The following CHST11 variants were observed in gnomAD, a reference collection of about 807,000 sequenced individuals.
CHST11 encodes the protein C4S-1.
In CHST11, 9 loss-of-function variants were observed where a neutral mutation model predicts 30.4. That is an observed-to-expected ratio of 0.30 (90% CI 0.18 to 0.52). CHST11 has a LOEUF of 0.52. Ranked by LOEUF, CHST11 falls within the 20% of genes least tolerant of loss-of-function variation. The pLI, the probability that CHST11 is intolerant of heterozygous loss-of-function variation, is 0.97. For synonymous variants in CHST11, 152 were observed against 187.8 expected (o/e 0.81, Z 1.56); for missense variants, 348 against 460.6 (o/e 0.76, Z 2.24).
At chr12:104,693,161 C>A (rs990290997) in intron 2 of CHST11, among the ~76,000 whole-genome samples, 1 of 152,172 alleles carries the variant, frequency 6.6e-6, no homozygotes, top group Non-Finnish European at 1.5e-5. Context: ...TTGGATCAGG[C>A]CCCGCCCCCC....
At chr12:104,750,652 C>T (rs1348599422) in intron 2 of CHST11, among the ~76,000 whole-genome samples, 8 of 151,470 alleles carry the variant, frequency 5.3e-5, no homozygotes. Flanking sequence ...CCATGTTGGC[C>T]AGGCTGGTCT....
intron 2 of CHST11, among the ~76,000 whole-genome samples, chr12:104,665,812 C>CTTTTTT (rs59199522): frequency 1.9e-4 from 15 of 78,850 alleles, no homozygotes; most frequent in African/African-American, 3.9e-4. Flanking sequence ...CTCTCTGTCT[C>CTTTTTT]TTTTTTTTTT....
chr12:104,643,584 T>C (rs2039398253), intron 2 of CHST11, among the ~76,000 whole-genome samples: 1 of 152,112 alleles, frequency 6.6e-6, no homozygotes, highest in African/African-American at 2.4e-5. Context: ...CTCCAGCACA[T>C]TTAGGGGATT....
At chr12:104,499,007 T>G (rs1186646641) in intron 1 of CHST11, among the ~76,000 whole-genome samples, 1 of 152,232 alleles carries the variant, frequency 6.6e-6, no homozygotes, top group Non-Finnish European at 1.5e-5. Flanking sequence ...GAACTTTCAG[T>G]GGCTCACTAT....
chr12:104,731,911 A>G (rs1047463882), intron 2 of CHST11, among the ~76,000 whole-genome samples: 5 of 152,262 alleles, frequency 3.3e-5, no homozygotes, highest in African/African-American at 1.2e-4. Flanking sequence ...AGAGCTGTGA[A>G]TGAGACAGAT....
At position 104,457,432 on chromosome 12, in the gene CHST11, AG is replaced by A. The variant is rs1565948318; in HGVS notation, c.22del (p.Val8Ter). The A allele has an allele frequency of 6.2e-7, 1 of 1,613,940 alleles. No individual in the cohort carries two copies. Among genetic ancestry groups the A allele is most frequent in the East Asian group, 2.2e-5 (1 of 44,866 alleles). ...AAGCCATGAAGCCAGCGCTGCTGGA[AG>A]TGATGAGGATGAACAGAATCTGCCG... MKPALLE[V>X]MRMNRICRMV... On this transcript the variant is annotated frameshift_variant, in exon 1 of 3. Coordinates refer to ENST00000303694, the MANE Select transcript of CHST11 (RefSeq NM_018413.6). LOFTEE classifies it high-confidence loss of function.
intron 2 of CHST11, among the ~76,000 whole-genome samples, chr12:104,715,824 C>T (rs907011308): frequency 2.6e-5 from 4 of 152,182 alleles, no homozygotes; most frequent in African/African-American, 9.7e-5. Flanking sequence ...TCTGGGGCTG[C>T]AGGCTGTTGT....
chr12:104,485,113 C>T (rs1289889264), intron 1 of CHST11, among the ~76,000 whole-genome samples: 3 of 152,148 alleles, frequency 2.0e-5, no homozygotes, highest in South Asian at 2.1e-4. Context: ...TTTGGAATTG[C>T]TGCTCCAGGA....
chr12:104,684,977 A>G (rs960582445), intron 2 of CHST11, among the ~76,000 whole-genome samples: 5 of 152,242 alleles, frequency 3.3e-5, no homozygotes, highest in Non-Finnish European at 5.9e-5. Context: ...AAAGTGCAAG[A>G]GTAAGTCAAA....
chr12:104,701,853 A>G (rs1363542724), intron 2 of CHST11, among the ~76,000 whole-genome samples: 1 of 152,208 alleles, frequency 6.6e-6, no homozygotes, highest in Non-Finnish European at 1.5e-5. Context: ...GGTGCTGGAC[A>G]TGGCAGGGGG....
intron 2 of CHST11, among the ~76,000 whole-genome samples, chr12:104,746,311 A>C (rs1425584906): frequency 6.6e-6 from 1 of 152,162 alleles, no homozygotes; most frequent in Non-Finnish European, 1.5e-5. Flanking sequence ...AACCCTGCCT[A>C]CAAAAGAAGT....
chr12:104,460,092 T>C (rs1013572008), intron 1 of CHST11, among the ~76,000 whole-genome samples: 9 of 152,218 alleles, frequency 5.9e-5, no homozygotes, highest in Non-Finnish European at 1.3e-4. Flanking sequence ...CTTTCACTGG[T>C]TTGAATTTCT....
chr12:104,520,563 T>C (rs1201404906), intron 1 of CHST11, among the ~76,000 whole-genome samples: 1 of 152,184 alleles, frequency 6.6e-6, no homozygotes, highest in Non-Finnish European at 1.5e-5. Flanking sequence ...TTCCAGCATC[T>C]GAAATTGCAA....
chr12:104,574,069 T>C (rs1294196198), intron 1 of CHST11, among the ~76,000 whole-genome samples: 2 of 152,154 alleles, frequency 1.3e-5, no homozygotes, highest in Non-Finnish European at 2.9e-5. Context: ...CAGACACTTC[T>C]CAAAAGAAGA....
At chr12:104,746,732 A>G (rs1328351744) in intron 2 of CHST11, among the ~76,000 whole-genome samples, 1 of 152,220 alleles carries the variant, frequency 6.6e-6, no homozygotes, top group Non-Finnish European at 1.5e-5. Flanking sequence ...ACATGAAGCC[A>G]CTTCTTTCCT....
intron 2 of CHST11, among the ~76,000 whole-genome samples, chr12:104,654,097 A>G (rs913960141): frequency 6.6e-6 from 1 of 152,114 alleles, no homozygotes; most frequent in African/African-American, 2.4e-5. Flanking sequence ...AGCACCTCCT[A>G]TGTGCTAGGT....
intron 1 of CHST11, among the ~76,000 whole-genome samples, chr12:104,469,145 C>T (rs2037484969): frequency 6.6e-6 from 1 of 152,130 alleles, no homozygotes; most frequent in South Asian, 2.1e-4. Flanking sequence ...ACATGTGCGT[C>T]CTACACTGTA....
At chr12:104,667,324 G>T (rs563399251) in intron 2 of CHST11, among the ~76,000 whole-genome samples, 1 of 152,040 alleles carries the variant, frequency 6.6e-6, no homozygotes, top group African/African-American at 2.4e-5. Flanking sequence ...AATGAAAGTC[G>T]TCCAGCCTCA....
At chr12:104,482,676 A>T (rs1423092659) in intron 1 of CHST11, among the ~76,000 whole-genome samples, 1 of 152,126 alleles carries the variant, frequency 6.6e-6, no homozygotes, top group Admixed American at 6.5e-5. Flanking sequence ...CCGGAGCTTC[A>T]CACACATTGC....
Sources: gnomAD v4.1 joint callset for allele counts (sites outside exome capture counted in the v4.1 genomes callset) on GRCh38, gnomAD v4.1.1 for gene constraint, MANE v1.5 for transcripts, NCBI Gene and HGNC (gene_info 2026-07-23, HGNC 2026-07-21) for gene names.